HDAC9: variants seen among roughly 807,000 people sequenced by gnomAD.
The protein encoded by HDAC9 is MEF-2 interacting transcription repressor (MITR) protein.
Under a neutral mutation model 139.4 loss-of-function variants are expected in HDAC9, and 41 were observed. The observed-to-expected ratio is 0.29, with a 90% CI of 0.23 to 0.38. The LOEUF is 0.38. Among genes scored for constraint, HDAC9 ranks in the 10% least tolerant of loss-of-function variants. The pLI is 1.00. For missense variants in HDAC9, 1,147 were observed against 1,297.0 expected, an observed-to-expected ratio of 0.88 and a Z score of 1.78; for synonymous variants, 517 against 476.2, an observed-to-expected ratio of 1.09 and a Z score of -1.12.
At chr7:18,582,294 A>G (rs1828065095) in intron 2 of HDAC9, among the ~76,000 whole-genome samples, 1 of 152,204 alleles carries the variant, frequency 6.6e-6, no homozygotes, top group Non-Finnish European at 1.5e-5. Context: ...AGAATCATTC[A>G]TATTTCCGTC....
intron 1 of HDAC9, among the ~76,000 whole-genome samples, chr7:18,453,384 A>G (rs1326418640): frequency 6.6e-6 from 1 of 152,224 alleles, no homozygotes; most frequent in African/African-American, 2.4e-5. Flanking sequence ...GATCAAGGAC[A>G]TACATTAATA....
chr7:18,442,863 A>G (rs1043572663), intron 1 of HDAC9, among the ~76,000 whole-genome samples: 2 of 152,204 alleles, frequency 1.3e-5, no homozygotes, highest in African/African-American at 4.8e-5. Flanking sequence ...CCACAAAAGC[A>G]CAGCTTCAAA....
chr7:18,127,894 A>T (rs1185262300), intron 1 of HDAC9, among the ~76,000 whole-genome samples: 2 of 148,348 alleles, frequency 1.3e-5, no homozygotes, highest in African/African-American at 4.9e-5. Flanking sequence ...TTTGAAGACA[A>T]TTTTCGTGCA....
At chr7:18,276,756 G>T (rs1241301890) in intron 2 of HDAC9, among the ~76,000 whole-genome samples, 2 of 152,056 alleles carry the variant, frequency 1.3e-5, no homozygotes, top group African/African-American at 2.4e-5. Context: ...GCCTTTCTTC[G>T]TGAGCCAAAT....
intron 1 of HDAC9, among the ~76,000 whole-genome samples, chr7:18,408,005 C>A (rs1788172836): frequency 6.6e-6 from 1 of 152,110 alleles, no homozygotes; most frequent in Non-Finnish European, 1.5e-5. Context: ...GACAAATTAA[C>A]CTCATACTTA....
At chr7:18,178,655 C>A (rs1178344) in intron 2 of HDAC9, among the ~76,000 whole-genome samples, 64,486 of 151,962 alleles carry the variant, frequency 0.42, 16,008 homozygotes, top group African/African-American at 0.69. Context: ...GAAAGAGTGA[C>A]ATGATTTTTA....
At chr7:18,260,329 T>TG (rs1290203510) in intron 2 of HDAC9, among the ~76,000 whole-genome samples, 2 of 147,360 alleles carry the variant, frequency 1.4e-5, no homozygotes, top group Non-Finnish European at 3.0e-5. Context: ...TTTTGTTTTT[T>TG]TTTTTTTTGA....
chr7:18,393,807 C>T (rs1315804715), intron 1 of HDAC9, among the ~76,000 whole-genome samples: 1 of 152,030 alleles, frequency 6.6e-6, no homozygotes, highest in African/African-American at 2.4e-5. Context: ...CCTTCCTTTT[C>T]TTGGTTATGG....
chr7:18,611,905 T>C (rs1837264892), intron 6 of HDAC9, among the ~76,000 whole-genome samples: 1 of 152,166 alleles, frequency 6.6e-6, no homozygotes, highest in African/African-American at 2.4e-5. Flanking sequence ...TTTGTTTTCT[T>C]TCTGCATCGA....
rs563773257 is a variant in HDAC9, at chr7:18,997,403, C to G, written c.*1341C>G. 1.3e-5 allele frequency: 2 copies of G among 151,994 alleles called. No homozygotes were observed. The highest frequency in any genetic ancestry group is 2.9e-5 in the Non-Finnish European group (2 of 67,958). 9.4% of individuals were successfully genotyped at this position (151,994 alleles called of 1,614,324 possible). On this transcript the variant is annotated 3_prime_UTR_variant, in exon 26 of 26. Coordinates refer to ENST00000686413, the MANE Select transcript of HDAC9 (RefSeq NM_178425.4). Reference sequence around the variant, plus strand: ...TATTTCTGAGATAAAAAGTAACTTACTAAATATAAGTAGGTTATCCTCCTA... The same window carrying G: ...TATTTCTGAGATAAAAAGTAACTTAGTAAATATAAGTAGGTTATCCTCCTA...
intron 16 of HDAC9, among the ~76,000 whole-genome samples, chr7:18,787,664 C>G (rs1791937183): frequency 6.6e-6 from 1 of 152,216 alleles, no homozygotes; most frequent in African/African-American, 2.4e-5. Context: ...TTAAACCTCA[C>G]TAGCCTGTGT....
chr7:18,542,376 A>G (rs562415911), intron 2 of HDAC9, among the ~76,000 whole-genome samples: 2 of 152,260 alleles, frequency 1.3e-5, no homozygotes, highest in East Asian at 3.9e-4. Context: ...CCTCCTTCAT[A>G]TGACTGTTAG....
intron 1 of HDAC9, among the ~76,000 whole-genome samples, chr7:18,376,017 C>A (rs762523183): frequency 3.9e-5 from 6 of 151,988 alleles, no homozygotes; most frequent in Non-Finnish European, 8.8e-5. Context: ...TGATTATTGA[C>A]CTTGAGTGTT....
At chr7:18,232,494 T>C (rs1270636323) in intron 2 of HDAC9, among the ~76,000 whole-genome samples, 5 of 152,154 alleles carry the variant, frequency 3.3e-5, no homozygotes, top group African/African-American at 1.2e-4. Context: ...ACCTAATCAC[T>C]TCCTCCCTGG....
intron 1 of HDAC9, among the ~76,000 whole-genome samples, chr7:18,383,646 A>G (rs1785640010): frequency 6.6e-6 from 1 of 152,140 alleles, no homozygotes. Flanking sequence ...ATCTAACATT[A>G]AAGAAAGCTT....
intron 1 of HDAC9, among the ~76,000 whole-genome samples, chr7:18,403,979 G>A (rs1028974606): frequency 3.9e-5 from 6 of 152,166 alleles, no homozygotes; most frequent in Admixed American, 6.5e-5. Context: ...GAAGAGGGGC[G>A]AGACCTTGTA....
At chr7:18,343,060 A>G (rs1782135118) in intron 1 of HDAC9, among the ~76,000 whole-genome samples, 1 of 151,792 alleles carries the variant, frequency 6.6e-6, no homozygotes, top group South Asian at 2.1e-4. Context: ...TTGCCAAGTC[A>G]TTTATTTATG....
intron 2 of HDAC9, among the ~76,000 whole-genome samples, chr7:18,583,317 T>G (rs928810167): frequency 2.6e-5 from 4 of 152,170 alleles, no homozygotes. Context: ...AATAACATCT[T>G]CAATGTTACA....
At chr7:18,993,811 A>C (rs779267226) in intron 25 of HDAC9, among the ~76,000 whole-genome samples, 41 of 152,296 alleles carry the variant, frequency 2.7e-4, no homozygotes, top group Non-Finnish European at 5.4e-4. Flanking sequence ...TCAAAAATAC[A>C]TAAATAAATG....
Sources: allele counts gnomAD v4.1 joint callset (sites outside exome capture counted in the v4.1 genomes callset), GRCh38; gene constraint gnomAD v4.1.1; transcripts MANE v1.5; gene names NCBI Gene and HGNC (gene_info 2026-07-23, HGNC 2026-07-21).